The following BMAL2 variants were observed in gnomAD, a reference collection of about 807,000 sequenced individuals.
BMAL2 encodes the protein basic helix-loop-helix ARNT like 2, also known as basic helix-loop-helix ARNT-like protein 2.
chr12:27,401,197 A>G, the BMAL2 span: 7 of 1,294,842 alleles, frequency 5.4e-6, no homozygotes, highest in South Asian at 4.7e-5. Flanking sequence ...GTGGGCCTAC[A>G]GTCTTCTGGG....
At chr12:27,387,246 T>C in the BMAL2 span, 4 of 1,612,036 alleles carry the variant, frequency 2.5e-6, no homozygotes, top group Admixed American at 1.7e-5. Context: ...AGGCTTCTTA[T>C]TTGTGGTTGG....
chr12:27,363,538 T>A, the BMAL2 span, among the ~76,000 whole-genome samples: 1 of 152,226 alleles, frequency 6.6e-6, no homozygotes. Flanking sequence ...CACTACAGTT[T>A]CCTTAGGATT....
At chr12:27,333,145 G>C in the BMAL2 span, 7 of 1,202,864 alleles carry the variant, frequency 5.8e-6, no homozygotes, top group Non-Finnish European at 7.2e-6. Context: ...AGGTGGGCGC[G>C]CGGCGTCTGA....
chr12:27,419,768 A>G, the BMAL2 span, among the ~76,000 whole-genome samples: 2 of 152,214 alleles, frequency 1.3e-5, no homozygotes, highest in African/African-American at 2.4e-5. Context: ...TGACACATAT[A>G]TACAAACCTT....
chr12:27,398,790 A>G, the BMAL2 span, among the ~76,000 whole-genome samples: 6 of 152,374 alleles, frequency 3.9e-5, no homozygotes, highest in African/African-American at 7.2e-5. Context: ...TCTTAAGTCT[A>G]TATTTTCAGT....
chr12:27,420,632 A>G, the BMAL2 span: 3 of 1,282,142 alleles, frequency 2.3e-6, no homozygotes, highest in East Asian at 8.0e-5. Context: ...TATTGTTTGT[A>G]TCTTTTATTA....
the BMAL2 span, among the ~76,000 whole-genome samples, chr12:27,392,619 T>C: frequency 7.5e-6 from 1 of 133,918 alleles, no homozygotes; most frequent in East Asian, 2.4e-4. Context: ...CACCTCTAAT[T>C]AATCCATCCA....
At chr12:27,345,345 A>G in the BMAL2 span, among the ~76,000 whole-genome samples, 1 of 152,320 alleles carries the variant, frequency 6.6e-6, no homozygotes, top group Non-Finnish European at 1.5e-5. Context: ...TGGGACATGC[A>G]TGAGAACTGT....
the BMAL2 span, among the ~76,000 whole-genome samples, chr12:27,412,184 A>G: frequency 6.6e-6 from 1 of 152,224 alleles, no homozygotes; most frequent in Non-Finnish European, 1.5e-5. Context: ...GCATTTTAAG[A>G]GAAGTGGAAA....
the BMAL2 span, among the ~76,000 whole-genome samples, chr12:27,420,019 G>GCGCGCACACACA: frequency 6.1e-5 from 9 of 147,476 alleles, no homozygotes; most frequent in African/African-American, 2.3e-4. Context: ...GTTTGCGCGT[G>GCGCGCACACACA]CACACACACA....
At chr12:27,333,701 C>G in the BMAL2 span, among the ~76,000 whole-genome samples, 3 of 152,250 alleles carry the variant, frequency 2.0e-5, no homozygotes, top group East Asian at 5.8e-4. Context: ...GCCCGCTCCG[C>G]GACAGCCCTC....
At chr12:27,423,652 A>G in the BMAL2 span, 1 of 151,962 alleles carries the variant, frequency 6.6e-6, no homozygotes, top group Non-Finnish European at 1.5e-5. Context: ...TTTTAACCCT[A>G]AGAATTACCA....
the BMAL2 span, among the ~76,000 whole-genome samples, chr12:27,348,389 G>A: frequency 6.6e-6 from 1 of 152,124 alleles, no homozygotes; most frequent in Non-Finnish European, 1.5e-5. Flanking sequence ...TCTGAATCCA[G>A]AAATATATTG....
At chr12:27,364,416 C>G in the BMAL2 span, among the ~76,000 whole-genome samples, 1 of 152,108 alleles carries the variant, frequency 6.6e-6, no homozygotes, top group Non-Finnish European at 1.5e-5. Flanking sequence ...TGATCCCGGA[C>G]CATTTATTAA....
At chr12:27,345,276 G>T in the BMAL2 span, among the ~76,000 whole-genome samples, 38,730 of 152,102 alleles carry the variant, frequency 0.25, 5,623 homozygotes, top group East Asian at 0.68. Context: ...TTCTGCAGTG[G>T]CATTGAAATT....
chr12:27,338,797 A>T, the BMAL2 span, among the ~76,000 whole-genome samples: 1 of 152,124 alleles, frequency 6.6e-6, no homozygotes, highest in African/African-American at 2.4e-5. Flanking sequence ...CTTGAAAGGC[A>T]AATTATGGCA....
chr12:27,419,364 T>C, the BMAL2 span, among the ~76,000 whole-genome samples: 2 of 152,202 alleles, frequency 1.3e-5, no homozygotes, highest in Non-Finnish European at 2.9e-5. Context: ...ACCTTCATGC[T>C]TCATCTTCCC....
chr12:27,384,187 C>T, the BMAL2 span, among the ~76,000 whole-genome samples: 1 of 152,298 alleles, frequency 6.6e-6, no homozygotes, highest in East Asian at 1.9e-4. Context: ...CATACGCCCC[C>T]TTGTGGCCAT....
chr12:27,386,064 G>C, the BMAL2 span, among the ~76,000 whole-genome samples: 1 of 151,800 alleles, frequency 6.6e-6, no homozygotes, highest in South Asian at 2.1e-4. Flanking sequence ...TAAATGTCTT[G>C]GTCATGTGCT....
Sources: allele counts gnomAD v4.1 joint callset (sites outside exome capture counted in the v4.1 genomes callset), GRCh38; gene constraint gnomAD v4.1.1; transcripts MANE v1.5; gene names NCBI Gene and HGNC (gene_info 2026-07-23, HGNC 2026-07-21).